The following ADAMTSL1 variants were observed in gnomAD, a reference collection of about 807,000 sequenced individuals.
The protein encoded by ADAMTSL1 is ADAMTS like 1.
Under a neutral mutation model 201.8 loss-of-function variants are expected in ADAMTSL1, and 126 were observed. That is an observed-to-expected ratio of 0.62 (90% confidence interval 0.54 to 0.72). The LOEUF (loss-of-function observed/expected upper bound fraction) is 0.72, where lower values mean the gene tolerates loss of function less well. Ranked by LOEUF, ADAMTSL1 falls within the 30% of genes least tolerant of loss-of-function variation. ADAMTSL1 has a pLI of 0.00. For missense variants in ADAMTSL1, 2,679 were observed against 2,277.8 expected (o/e 1.18, Z -3.59); for synonymous variants, 1,121 against 903.4 (o/e 1.24, Z -4.32).
intron 1 of ADAMTSL1, among the ~76,000 whole-genome samples, chr9:17,998,770 A>G (rs2131523846): frequency 6.6e-6 from 1 of 152,068 alleles, no homozygotes; most frequent in South Asian, 2.1e-4. Context: ...TGTGTCTTAT[A>G]AGTGAGGTGA....
At chr9:18,822,278 C>G (rs567009097) in intron 21 of ADAMTSL1, among the ~76,000 whole-genome samples, 1 of 152,152 alleles carries the variant, frequency 6.6e-6, no homozygotes, top group Admixed American at 6.5e-5. Context: ...CTCCCGCAAC[C>G]TGACCAAGCT....
chr9:17,958,786 C>T (rs916093670), intron 1 of ADAMTSL1, among the ~76,000 whole-genome samples: 16 of 152,162 alleles, frequency 1.1e-4, no homozygotes, highest in Middle Eastern at 3.4e-3. Context: ...GAGATCTTGC[C>T]TGATATAAAC....
chr9:18,086,978 A>G (rs1823795791), intron 1 of ADAMTSL1, among the ~76,000 whole-genome samples: 1 of 152,210 alleles, frequency 6.6e-6, no homozygotes, highest in South Asian at 2.1e-4. Context: ...ACAATAATCT[A>G]TTATATAACT....
chr9:18,068,431 A>G lies in ADAMTSL1; in HGVS notation c.88-95431A>G, dbSNP rs559526432. On this transcript the variant is annotated intron_variant, in intron 1 of 29. Transcript: ENST00000680146. ...TACAGATCATTTAATGTTTACAAGA[A>G]GGTCTGTGTAGGCCATATGCAAATA... 2.6e-5 allele frequency among the ~76,000 whole-genome samples: 4 copies of G among 152,338 alleles called. No homozygotes were observed. The South Asian group carries it at 8.3e-4, about 32-fold the overall frequency.
intron 2 of ADAMTSL1, among the ~76,000 whole-genome samples, chr9:18,361,590 T>C (rs185786899): frequency 3.3e-5 from 5 of 152,282 alleles, no homozygotes; most frequent in Admixed American, 2.6e-4. Flanking sequence ...CTAGAGTTGT[T>C]TGTGTTACAC....
At position 18,431,483 on chromosome 9, in the gene ADAMTSL1, T is replaced by G. The variant is rs115859668; in HGVS notation, c.208-73346T>G. On this transcript the variant is annotated intron_variant, in intron 2 of 29. Transcript: ENST00000680146. ...CAGATTTCTGAAATTTGGAAGACAC[T>G]GCACTGGGGATAAGAATTAATATAT... 4.2e-3 allele frequency among the ~76,000 whole-genome samples: 643 copies of G among 152,304 alleles called. 7 individuals are homozygous for G. The highest frequency in any genetic ancestry group is 0.015 in the African/African-American group (610 of 41,566).
At chr9:17,919,853 A>G (rs1826238178) in intron 1 of ADAMTSL1, among the ~76,000 whole-genome samples, 1 of 152,086 alleles carries the variant, frequency 6.6e-6, no homozygotes, top group African/African-American at 2.4e-5. Flanking sequence ...TGTAATTGCT[A>G]GGTTAAATAG....
chr9:18,094,596 T>G (rs183781704), intron 1 of ADAMTSL1, among the ~76,000 whole-genome samples: 1 of 152,142 alleles, frequency 6.6e-6, no homozygotes, highest in African/African-American at 2.4e-5. Flanking sequence ...CACCTAAATC[T>G]AAGTATAATC....
chr9:18,010,666 C>A (rs1012070165), intron 1 of ADAMTSL1, among the ~76,000 whole-genome samples: 1 of 151,912 alleles, frequency 6.6e-6, no homozygotes, highest in African/African-American at 2.4e-5. Flanking sequence ...ATGGACACAA[C>A]CCTAAGAGAG....
chr9:18,413,055 C>T (rs540404094), intron 2 of ADAMTSL1, among the ~76,000 whole-genome samples: 3 of 151,654 alleles, frequency 2.0e-5, no homozygotes, highest in Non-Finnish European at 4.4e-5. Context: ...CGTGTTTTAC[C>T]TTTTTCTATA....
At chr9:18,112,936 C>A (rs1305928096) in intron 1 of ADAMTSL1, among the ~76,000 whole-genome samples, 1 of 152,110 alleles carries the variant, frequency 6.6e-6, no homozygotes, top group Admixed American at 6.6e-5. Context: ...TTGTATGTGG[C>A]TTGAACTTGT....
At chr9:18,535,136 C>T (rs1819682249) in intron 3 of ADAMTSL1, among the ~76,000 whole-genome samples, 1 of 152,186 alleles carries the variant, frequency 6.6e-6, no homozygotes, top group Admixed American at 6.6e-5. Context: ...TTATGCTCTG[C>T]TTCCTCTTGA....
In ADAMTSL1 at chr9:18,905,783, G is replaced by A. The variant is rs1003280833; in HGVS notation, c.4853G>A (p.Cys1618Tyr). The A allele has an allele frequency of 6.2e-7, 1 of 1,612,238 alleles. No individual in the cohort carries two copies. Among genetic ancestry groups the A allele is most frequent in the Admixed American group, 1.7e-5 (1 of 59,862 alleles). The part of the protein sequence containing the change: ...VEWAFSSWGQ[C>Y]NGPCIGPHLA... The stretch of plus-strand genomic sequence containing the variant: ...ATGTTACCTTTTTCTGCTTTCCAGT[G>A]CAATGGGCCTTGCATCGGGCCTCAC... Residue 1618 changes from cysteine (C) to tyrosine (Y), a missense_variant and splice_region_variant, in exon 27 of 29, where the codon TGC (cysteine) becomes TAC (tyrosine). Transcript: ENST00000380548.
At chr9:18,711,168 GT>G in intron 14 of ADAMTSL1, among the ~76,000 whole-genome samples, 1 of 152,320 alleles carries the variant, frequency 6.6e-6, no homozygotes, top group East Asian at 1.9e-4. Context: ...GGCACCCACT[GT>G]ATACATGACT....
At chr9:18,518,436 A>T (rs1818492893) in intron 2 of ADAMTSL1, among the ~76,000 whole-genome samples, 1 of 152,178 alleles carries the variant, frequency 6.6e-6, no homozygotes, top group African/African-American at 2.4e-5. Flanking sequence ...TTCACTTAGG[A>T]TAATGGCCTC....
intron 13 of ADAMTSL1, among the ~76,000 whole-genome samples, chr9:18,702,044 T>C (rs1831953963): frequency 6.6e-6 from 1 of 152,166 alleles, no homozygotes; most frequent in African/African-American, 2.4e-5. Flanking sequence ...AGTCACATCT[T>C]ACATGGATAG....
At chr9:18,037,028 G>A (rs540846451) in intron 1 of ADAMTSL1, among the ~76,000 whole-genome samples, 1 of 152,198 alleles carries the variant, frequency 6.6e-6, no homozygotes, top group African/African-American at 2.4e-5. Context: ...GGGCTTCCTA[G>A]GTGATGTGTC....
At chr9:18,277,130 C>A (rs117119724) in intron 2 of ADAMTSL1, among the ~76,000 whole-genome samples, 1 of 152,176 alleles carries the variant, frequency 6.6e-6, no homozygotes, top group Non-Finnish European at 1.5e-5. Context: ...TTTTCATCTT[C>A]TTACATTTGA....
chr9:17,991,198 G>A (rs1334170251), intron 1 of ADAMTSL1, among the ~76,000 whole-genome samples: 1 of 152,100 alleles, frequency 6.6e-6, no homozygotes, highest in Non-Finnish European at 1.5e-5. Context: ...AAAATATGAG[G>A]AAATTGAATT....
Sources: gnomAD v4.1 joint callset for allele counts (sites outside exome capture counted in the v4.1 genomes callset) on GRCh38, gnomAD v4.1.1 for gene constraint, MANE v1.5 for transcripts, NCBI Gene and HGNC (gene_info 2026-07-23, HGNC 2026-07-21) for gene names.